Variants in PLCL1 observed in about 807,000 individuals in gnomAD.
PLCL1 encodes phospholipase C like 1 (inactive).
Under a neutral mutation model 84.4 loss-of-function variants are expected in PLCL1, and 41 were observed. That is an observed-to-expected ratio of 0.49 (90% confidence interval 0.38 to 0.63). The LOEUF is 0.63. Ranked by LOEUF, PLCL1 falls within the 30% of genes least tolerant of loss-of-function variation. The probability of loss-of-function intolerance (pLI) is 0.00; values close to 1 mark genes in which losing one functional copy is unlikely to be tolerated. For missense variants in PLCL1, 1,206 were observed against 1,367.8 expected, an observed-to-expected ratio of 0.88 and a Z score of 1.87; for synonymous variants, 490 against 488.3, an observed-to-expected ratio of 1.00 and a Z score of -0.05.
intron 1 of PLCL1, among the ~76,000 whole-genome samples, chr2:198,018,577 A>G (rs1435339126): frequency 6.6e-6 from 1 of 152,184 alleles, no homozygotes; most frequent in Non-Finnish European, 1.5e-5. Flanking sequence ...AGGCTTGAGT[A>G]GGCAGTTTTC....
chr2:198,011,041 G>T lies in PLCL1; in HGVS notation c.241-72717G>T, dbSNP rs74513445. Among the ~76,000 whole-genome samples, 1,364 of 151,544 alleles carry T rather than the reference G, an allele frequency of 9.0e-3. 21 individuals are homozygous for T. The highest frequency in any genetic ancestry group is 0.031 in the African/African-American group (1,300 of 41,400). The stretch of plus-strand genomic sequence containing the variant: ...TCTTTGTTAGTCTAGCTAAGGATTT[G>T]TCAATTTTGTTGTTTTTTTGGGAAA... On this transcript the variant is annotated intron_variant, in intron 1 of 5. Coordinates refer to ENST00000428675, the MANE Select transcript of PLCL1 (RefSeq NM_006226.4).
At chr2:197,952,573 G>C (rs1424457144) in intron 1 of PLCL1, among the ~76,000 whole-genome samples, 1 of 152,126 alleles carries the variant, frequency 6.6e-6, no homozygotes, top group African/African-American at 2.4e-5. Context: ...TTGGTAAGCA[G>C]TATTTTATCT....
At chr2:198,038,139 A>C (rs1250833143) in intron 1 of PLCL1, among the ~76,000 whole-genome samples, 1 of 152,182 alleles carries the variant, frequency 6.6e-6, no homozygotes, top group African/African-American at 2.4e-5. Flanking sequence ...ACCTTGTAAG[A>C]GTCAGAAAAG....
chr2:197,840,756 G>C (rs575949138), intron 1 of PLCL1, among the ~76,000 whole-genome samples: 1 of 152,150 alleles, frequency 6.6e-6, no homozygotes, highest in African/African-American at 2.4e-5. Flanking sequence ...ATCCTCATAC[G>C]TGGAAGCCGA....
In PLCL1 at chr2:197,965,189, G is replaced by A. The variant is rs189917002; in HGVS notation, c.241-118569G>A. On this transcript the variant is annotated intron_variant, in intron 1 of 5. Coordinates refer to ENST00000428675, the MANE Select transcript of PLCL1 (RefSeq NM_006226.4). ...TCAGCAGTGATGGCATCAGGTCCTG[G>A]GCTTTTATTTGCTGGGAGACTTTTT... 3.1e-4 allele frequency among the ~76,000 whole-genome samples: 47 copies of A among 152,006 alleles called. 1 individual carries two copies. The highest frequency in any genetic ancestry group is 1.1e-3 in the African/African-American group (46 of 41,490).
intron 1 of PLCL1, among the ~76,000 whole-genome samples, chr2:197,849,894 T>C (rs966917101): frequency 9.9e-5 from 15 of 152,170 alleles, no homozygotes; most frequent in Middle Eastern, 3.2e-3. Flanking sequence ...TTTGAGTGAC[T>C]GGTTCAGGTT....
intron 1 of PLCL1, chr2:198,071,041 C>T: frequency 2.3e-6 from 2 of 880,586 alleles, no homozygotes; most frequent in Non-Finnish European, 2.7e-6. Context: ...AAATGGTAAG[C>T]TCTCAAGCTC....
At chr2:197,884,214 C>G (rs1574930345) in intron 1 of PLCL1, among the ~76,000 whole-genome samples, 1 of 152,216 alleles carries the variant, frequency 6.6e-6, no homozygotes, top group Non-Finnish European at 1.5e-5. Flanking sequence ...TGACCAGCAA[C>G]TTAGGCTCCA....
intron 1 of PLCL1, among the ~76,000 whole-genome samples, chr2:197,971,159 G>T (rs1270266371): frequency 1.3e-5 from 2 of 152,114 alleles, no homozygotes; most frequent in Non-Finnish European, 2.9e-5. Flanking sequence ...TCCAATATCT[G>T]CCACTTAGGA....
At chr2:197,933,672 A>T (rs926159003) in intron 1 of PLCL1, among the ~76,000 whole-genome samples, 2 of 152,126 alleles carry the variant, frequency 1.3e-5, no homozygotes, top group African/African-American at 2.4e-5. Context: ...AATGGAAGTC[A>T]TTGGAACTGG....
At chr2:197,936,338 AT>A (rs1689055269) in intron 1 of PLCL1, among the ~76,000 whole-genome samples, 1 of 152,132 alleles carries the variant, frequency 6.6e-6, no homozygotes, top group Non-Finnish European at 1.5e-5. Flanking sequence ...ATAAACCTCC[AT>A]TGTTTTCCAT....
chr2:198,129,306 A>G (rs1694066650), intron 5 of PLCL1, among the ~76,000 whole-genome samples: 1 of 152,130 alleles, frequency 6.6e-6, no homozygotes, highest in Non-Finnish European at 1.5e-5. Flanking sequence ...ATGGCCACCT[A>G]TAAGACTTCA....
At chr2:197,850,753 T>C (rs1255972977) in intron 1 of PLCL1, among the ~76,000 whole-genome samples, 2 of 152,074 alleles carry the variant, frequency 1.3e-5, no homozygotes, top group Admixed American at 6.6e-5. Context: ...CCTGAGTTGG[T>C]ATAAAGTTTA....
chr2:198,084,618 T>C lies in PLCL1; in HGVS notation c.1101T>C (p.Arg367=). The change falls in exon 2 of 6, where the codon CGT becomes CGC. Residue 367 remains arginine (R), a synonymous_variant. Coordinates refer to ENST00000428675, the MANE Select transcript of PLCL1 (RefSeq NM_006226.4). ...GATACGAACTTTCTGAAGAGGGACG[T>C]CAAAAAGGGTTTCTTGCAATTGATG... ...IRRYELSEEG[R]QKGFLAIDGF... is the part of the protein sequence containing the mutation. The C allele has an allele frequency of 6.2e-7, 1 of 1,614,064 alleles. No homozygotes were observed. The highest frequency in any genetic ancestry group is 8.5e-7 in the Non-Finnish European group (1 of 1,179,944).
chr2:198,097,876 C>T (rs934761318), intron 3 of PLCL1, among the ~76,000 whole-genome samples: 1 of 152,112 alleles, frequency 6.6e-6, no homozygotes. Context: ...TCTGTATGAC[C>T]GAGAGTTGAC....
intron 5 of PLCL1, among the ~76,000 whole-genome samples, chr2:198,119,885 C>T (rs1290429989): frequency 6.6e-6 from 1 of 151,938 alleles, no homozygotes; most frequent in African/African-American, 2.4e-5. Context: ...CAAGATGATG[C>T]GACTAACTAG....
At chr2:197,897,105 C>A (rs934743087) in intron 1 of PLCL1, among the ~76,000 whole-genome samples, 1 of 37,532 alleles carries the variant, frequency 2.7e-5, no homozygotes, top group African/African-American at 1.5e-4. Flanking sequence ...ACTCCTTCTT[C>A]TTCTTCTTCT....
At chr2:197,876,276 A>G (rs983339423) in intron 1 of PLCL1, among the ~76,000 whole-genome samples, 12 of 152,158 alleles carry the variant, frequency 7.9e-5, no homozygotes, top group Non-Finnish European at 1.3e-4. Context: ...TTTTGTGGAA[A>G]ATATTGGCCC....
intron 1 of PLCL1, among the ~76,000 whole-genome samples, chr2:198,004,582 G>T (rs999320077): frequency 3.9e-5 from 6 of 152,110 alleles, no homozygotes; most frequent in African/African-American, 1.4e-4. Flanking sequence ...GAAATACAAA[G>T]ATTTAGTAGT....
Sources: gnomAD v4.1 joint callset for allele counts (sites outside exome capture counted in the v4.1 genomes callset) on GRCh38, gnomAD v4.1.1 for gene constraint, MANE v1.5 for transcripts, NCBI Gene and HGNC (gene_info 2026-07-23, HGNC 2026-07-21) for gene names.